The following SIK3 variants were observed in gnomAD, a reference collection of about 807,000 sequenced individuals.
SIK3 encodes the protein serine/threonine-protein kinase SIK3.
A neutral mutation model predicts 144.2 loss-of-function variants in SIK3; 28 were observed. That is an observed-to-expected ratio of 0.19 (90% CI 0.14 to 0.27). The LOEUF (loss-of-function observed/expected upper bound fraction) is 0.27, where lower values mean the gene tolerates loss of function less well. Ranked by LOEUF, SIK3 falls within the 10% of genes least tolerant of loss-of-function variation. The probability of loss-of-function intolerance (pLI) is 1.00; values close to 1 mark genes in which losing one functional copy is unlikely to be tolerated. For synonymous variants in SIK3, 686 were observed against 676.3 expected (o/e 1.01, Z -0.22); for missense variants, 1,319 against 1,776.0 (o/e 0.74, Z 4.62).
At chr11:116,881,036 A>C (rs541622886) in intron 6 of SIK3, among the ~76,000 whole-genome samples, 1 of 152,312 alleles carries the variant, frequency 6.6e-6, no homozygotes, top group South Asian at 2.1e-4. Context: ...AGGTAGGAGA[A>C]TGGCGTGAAC....
intron 6 of SIK3, among the ~76,000 whole-genome samples, chr11:116,880,722 A>T (rs1024147762): frequency 6.6e-6 from 1 of 152,186 alleles, no homozygotes; most frequent in African/African-American, 2.4e-5. Context: ...CTAAGAACAC[A>T]ATCACCCACA....
intron 1 of SIK3, among the ~76,000 whole-genome samples, chr11:117,084,266 T>C (rs567438750): frequency 5.9e-5 from 9 of 152,288 alleles, no homozygotes; most frequent in East Asian, 1.9e-4. Flanking sequence ...TTTGGTTTTT[T>C]TGTGGTTGGT....
intron 1 of SIK3, among the ~76,000 whole-genome samples, chr11:117,018,204 C>T (rs1313323265): frequency 6.6e-6 from 1 of 152,162 alleles, no homozygotes; most frequent in African/African-American, 2.4e-5. Flanking sequence ...AAATTACACA[C>T]ACACTCAAGT....
chr11:117,044,660 C>T lies in SIK3; in HGVS notation c.273+53483G>A, dbSNP rs565007830. On this transcript the variant is annotated intron_variant, in intron 1 of 24. Transcript: ENST00000445177. ...AACTTGAGGGCCCAGTCCAGGTTTT[C>T]TACCTAAAAAAGGCAAATCATCAGC... Among the ~76,000 whole-genome samples the T allele has an allele frequency of 6.6e-5, 10 of 151,758 alleles. No individual in the cohort carries two copies. The East Asian group carries it at 1.9e-3, about 29-fold the overall frequency.
At chr11:116,969,601 TA>T (rs564493546) in intron 1 of SIK3, among the ~76,000 whole-genome samples, 2,739 of 150,020 alleles carry the variant, frequency 0.018, 80 homozygotes, top group African/African-American at 0.063. Context: ...TGAAACTAAG[TA>T]AAAAAAAATC....
At chr11:116,851,564 A>G (rs1942443525) in intron 21 of SIK3, among the ~76,000 whole-genome samples, 1 of 152,218 alleles carries the variant, frequency 6.6e-6, no homozygotes, top group Non-Finnish European at 1.5e-5. Flanking sequence ...GAGAAAAATT[A>G]GAGGAGGGAG....
intron 6 of SIK3, among the ~76,000 whole-genome samples, chr11:116,889,762 T>C (rs1555082894): frequency 6.6e-6 from 1 of 152,080 alleles, no homozygotes; most frequent in Non-Finnish European, 1.5e-5. Context: ...GTGGGCGTGG[T>C]GGCGTGCGCC....
chr11:116,974,296 C>T (rs1383165133), intron 1 of SIK3, among the ~76,000 whole-genome samples: 1 of 152,220 alleles, frequency 6.6e-6, no homozygotes, highest in Non-Finnish European at 1.5e-5. Context: ...CAGCTTTCTG[C>T]TTTCCGTCAG....
chr11:117,021,946 A>C (rs1384406831), intron 1 of SIK3, among the ~76,000 whole-genome samples: 5 of 132,008 alleles, frequency 3.8e-5, no homozygotes, highest in Non-Finnish European at 7.8e-5. Context: ...AAAAAAAAAA[A>C]AAAAAAAAAA....
intron 11 of SIK3, 25 bp downstream of exon 11, chr11:116,875,133 T>C: frequency 6.3e-7 from 1 of 1,582,176 alleles, no homozygotes; most frequent in Non-Finnish European, 8.7e-7. Context: ...CCAGTGTTAG[T>C]GAGGGCTGTT....
chr11:117,008,567 T>C (rs142322664), intron 1 of SIK3, among the ~76,000 whole-genome samples: 57 of 152,314 alleles, frequency 3.7e-4, no homozygotes, highest in African/African-American at 1.3e-3. Flanking sequence ...GGGTACTATA[T>C]GTATATTTGA....
chr11:116,932,066 C>T (rs1043630792), intron 3 of SIK3, among the ~76,000 whole-genome samples: 3 of 152,166 alleles, frequency 2.0e-5, no homozygotes, highest in Non-Finnish European at 2.9e-5. Flanking sequence ...CTTTCTCTCA[C>T]ACCCTGCATC....
chr11:116,953,882 A>G (rs770821102), intron 3 of SIK3, among the ~76,000 whole-genome samples, 162 bp downstream of exon 3: 1 of 152,258 alleles, frequency 6.6e-6, no homozygotes, highest in Non-Finnish European at 1.5e-5. Flanking sequence ...ATTTTACTAG[A>G]TTAATCAAAA....
rs1406514078 is a variant in SIK3 at position 116,845,170 on chromosome 11, T to C, written c.*473A>G. 1.3e-5 allele frequency: 2 copies of C among 152,086 alleles called. No individual in the cohort carries two copies. Among genetic ancestry groups the C allele is most frequent in the African/African-American group, 4.8e-5 (2 of 41,392 alleles). 9.4% of individuals were successfully genotyped at this position (152,086 alleles called of 1,614,324 possible). ...TTCACAGAAGAGCAATGCAGGGGGA[T>C]GGAGGGTGCTCTGCTGATGAAGGCT... On this transcript the variant is annotated 3_prime_UTR_variant, in exon 25 of 25. Transcript: ENST00000445177.
At chr11:116,856,372 T>C (rs1343249746) in intron 21 of SIK3, among the ~76,000 whole-genome samples, 1 of 152,178 alleles carries the variant, frequency 6.6e-6, no homozygotes, top group African/African-American at 2.4e-5. Context: ...TGGAGAGTTC[T>C]TATAAAGGTC....
At chr11:116,937,495 T>C (rs1407268335) in intron 3 of SIK3, among the ~76,000 whole-genome samples, 1 of 152,192 alleles carries the variant, frequency 6.6e-6, no homozygotes, top group East Asian at 1.9e-4. Flanking sequence ...ATACATAAAG[T>C]TAAAAGTATT....
rs1943093239 is a variant in SIK3 at position 116,858,307 on chromosome 11, T to C, written c.3158A>G (p.Gln1053Arg). Reference sequence around the variant, plus strand: ...TTGCTGTTGCTGCTGTTGCTGCTGCTGCTGCCGTTGTTGCTGCTGCCTTTT... The same window carrying C: ...TTGCTGTTGCTGCTGTTGCTGCTGCCGCTGCCGTTGTTGCTGCTGCCTTTT... ...LIKRQQQQRQ[Q>R]QQQQQQQQEY... The change falls in exon 21 of 25, where the codon CAG becomes CGG. Residue 1053 changes from glutamine (Q) to arginine (R), a missense_variant. By Grantham distance (43) the Gln-to-Arg change is conservative. Transcript: ENST00000445177. The surrounding 1 kb of genome is among the most constrained non-coding windows in gnomAD (Gnocchi z 5.4). The C allele has an allele frequency of 1.2e-6, 2 of 1,613,108 alleles. No homozygotes were observed. Among genetic ancestry groups the C allele is most frequent in the Admixed American group, 1.7e-5 (1 of 59,976 alleles).
intron 4 of SIK3, among the ~76,000 whole-genome samples, chr11:116,923,388 G>A (rs895420841): frequency 7.9e-5 from 12 of 152,100 alleles, no homozygotes; most frequent in East Asian, 1.9e-4. Context: ...AGTTGATTTC[G>A]TTACCTATCT....
At chr11:116,868,188 G>A (rs1304130552) in intron 14 of SIK3, 99 bp from the exon 15 acceptor site, 1 of 1,456,914 alleles carries the variant, frequency 6.9e-7, no homozygotes, top group Non-Finnish European at 9.4e-7. Flanking sequence ...CAATGAAATA[G>A]TGCCAGAGCT....
Sources: gnomAD v4.1 joint callset for allele counts (sites outside exome capture counted in the v4.1 genomes callset) on GRCh38, gnomAD v4.1.1 for gene constraint, Gnocchi (gnomAD v3.1) non-coding constraint, MANE v1.5 for transcripts, NCBI Gene and HGNC (gene_info 2026-07-23, HGNC 2026-07-21) for gene names.